Variants in TMEM74 observed in about 807,000 individuals in gnomAD.
TMEM74 encodes transmembrane protein 74.
TMEM74 carries 13 observed loss-of-function variants against 18.1 expected under a neutral mutation model. That is an observed-to-expected ratio of 0.72 (90% CI 0.47 to 1.14). The LOEUF is 1.14. Ranked by LOEUF, TMEM74 falls within the 50% of genes most tolerant of loss-of-function variation. The probability of loss-of-function intolerance (pLI) is 0.00; values close to 1 mark genes in which losing one functional copy is unlikely to be tolerated. For synonymous variants in TMEM74, 159 were observed against 146.6 expected, an observed-to-expected ratio of 1.08 and a Z score of -0.61; for missense variants, 372 against 375.9, an observed-to-expected ratio of 0.99 and a Z score of 0.09.
chr8:108,766,689 G>A (rs193053802), intron 1 of TMEM74, among the ~76,000 whole-genome samples: 262 of 152,210 alleles, frequency 1.7e-3, no homozygotes, highest in Middle Eastern at 6.8e-3. Flanking sequence ...TCACACAATC[G>A]CAAGGTAAAG....
intron 2 of TMEM74, among the ~76,000 whole-genome samples, chr8:108,636,462 C>T (rs1009287051): frequency 6.6e-6 from 1 of 152,056 alleles, no homozygotes; most frequent in Non-Finnish European, 1.5e-5. Context: ...GAGCATTATA[C>T]TCTGTATTTG....
intron 1 of TMEM74, among the ~76,000 whole-genome samples, chr8:108,746,474 G>T (rs1201253323): frequency 1.3e-5 from 2 of 152,098 alleles, no homozygotes; most frequent in African/African-American, 4.8e-5. Flanking sequence ...TAGAGATTAA[G>T]TACTAGTACC....
chr8:108,728,115 T>A (rs1813659357), intron 1 of TMEM74, among the ~76,000 whole-genome samples: 1 of 152,130 alleles, frequency 6.6e-6, no homozygotes, highest in Non-Finnish European at 1.5e-5. Context: ...TAATTGGAAA[T>A]AATTAGTATA....
At chr8:108,778,364 G>C (rs185584414), downstream of TMEM74, among the ~76,000 whole-genome samples, 945 of 152,242 alleles carry the variant, frequency 6.2e-3, 6 homozygotes, top group Middle Eastern at 0.017. Context: ...ATGTAAAAAG[G>C]TGGCTGCATC....
intron 2 of TMEM74, chr8:108,655,203 C>T (rs1812810044): frequency 6.6e-6 from 1 of 152,150 alleles, no homozygotes; most frequent in Non-Finnish European, 1.5e-5. Context: ...TTTCAGTCCA[C>T]CATTCTGCTA....
chr8:108,694,708 C>T (rs1813263463), intron 1 of TMEM74, among the ~76,000 whole-genome samples: 1 of 152,178 alleles, frequency 6.6e-6, no homozygotes, highest in Non-Finnish European at 1.5e-5. Context: ...TACCTATATG[C>T]ACATACATAT....
At chr8:108,681,684 G>C (rs776400023) in intron 1 of TMEM74, among the ~76,000 whole-genome samples, 3 of 152,176 alleles carry the variant, frequency 2.0e-5, no homozygotes, top group Non-Finnish European at 2.9e-5. Flanking sequence ...ATTATAGGAA[G>C]TGACTGCTTA....
At chr8:108,713,867 G>A (rs534182873) in intron 1 of TMEM74, among the ~76,000 whole-genome samples, 22 of 152,328 alleles carry the variant, frequency 1.4e-4, no homozygotes, top group African/African-American at 5.3e-4. Context: ...GGAAGCTGAT[G>A]GGGTAACAGT....
At chr8:108,774,862 G>T (rs767329085), downstream of TMEM74, among the ~76,000 whole-genome samples, 2 of 147,790 alleles carry the variant, frequency 1.4e-5, no homozygotes, top group East Asian at 2.1e-4. Context: ...GCCTCCCAAA[G>T]TGTTGTGATT....
At chr8:108,634,686 G>A (rs1201847438) in intron 2 of TMEM74, among the ~76,000 whole-genome samples, 1 of 151,986 alleles carries the variant, frequency 6.6e-6, no homozygotes, top group Admixed American at 6.6e-5. Flanking sequence ...TAGGCATGTG[G>A]GGAAAGAGTT....
intron 1 of TMEM74, among the ~76,000 whole-genome samples, chr8:108,658,778 C>T (rs1340333047): frequency 2.6e-5 from 4 of 152,070 alleles, no homozygotes; most frequent in Non-Finnish European, 5.9e-5. Context: ...ATTATGATTA[C>T]TACCTAATAA....
chr8:108,770,289 A>C lies in TMEM74; in HGVS notation n.119+17187T>G, dbSNP rs971931693. 6.6e-5 allele frequency among the ~76,000 whole-genome samples: 10 copies of C among 152,288 alleles called. No individual in the cohort carries two copies. In the East Asian group the frequency reaches 1.9e-3, roughly 29 times the overall value. ...AACTGGTATGGTTTAGTACAGTGAGAAAAAATAGCAATTATTATACTAAAT... is the reference window on the plus strand; with the variant it reads ...AACTGGTATGGTTTAGTACAGTGAGCAAAAATAGCAATTATTATACTAAAT... On this transcript the variant is annotated intron_variant and non_coding_transcript_variant, in intron 1 of 3. Transcript: ENST00000518838.
At chr8:108,731,226 C>A (rs189568764) in intron 1 of TMEM74, among the ~76,000 whole-genome samples, 36 of 151,756 alleles carry the variant, frequency 2.4e-4, no homozygotes, top group Middle Eastern at 3.4e-3. Flanking sequence ...CCACCACCGC[C>A]CCCCATCCCC....
chr8:108,637,984 G>T (rs1812624125), intron 2 of TMEM74, among the ~76,000 whole-genome samples: 1 of 152,144 alleles, frequency 6.6e-6, no homozygotes, highest in Admixed American at 6.6e-5. Context: ...TAGGCTGATT[G>T]TGTGTTTCTA....
intron 2 of TMEM74, among the ~76,000 whole-genome samples, chr8:108,624,045 G>T (rs982818728): frequency 6.6e-6 from 1 of 152,048 alleles, no homozygotes; most frequent in African/African-American, 2.4e-5. Flanking sequence ...CCAGTGCCAG[G>T]ATATGCATAG....
rs2129671128 is a variant in TMEM74 at position 108,784,619 on chromosome 8, C to G, written c.480G>C (p.Glu160Asp). 6.2e-7 allele frequency: 1 copy of G among 1,614,152 alleles called. No homozygotes were observed. Among genetic ancestry groups the G allele is most frequent in the South Asian group, 1.1e-5 (1 of 91,084 alleles). Residue 160 changes from glutamate (E) to aspartate (D), a missense_variant, in exon 2 of 2, where the codon GAG (glutamate) becomes GAC (aspartate). By Grantham distance (45) the Glu-to-Asp change is conservative. Transcript: ENST00000297459. ...EAAISLISEEEDDTSSEATSS... is the reference protein window; with the variant it reads ...EAAISLISEEDDDTSSEATSS... ...ACGTGGCTTCTGAACTTGTATCATC[C>G]TCCTCTTCAGATATCAAAGATATGG...
chr8:108,688,071 T>C (rs901455310), intron 1 of TMEM74, among the ~76,000 whole-genome samples: 4 of 152,328 alleles, frequency 2.6e-5, no homozygotes, highest in Admixed American at 6.5e-5. Flanking sequence ...TTCATTAGTA[T>C]TGAGGTGAAT....
intron 1 of TMEM74, among the ~76,000 whole-genome samples, chr8:108,662,819 C>G (rs1812913607): frequency 6.6e-6 from 1 of 152,120 alleles, no homozygotes; most frequent in Admixed American, 6.6e-5. Flanking sequence ...CCTGGGAAGT[C>G]TTTCCAATCC....
At chr8:108,643,570 C>T (rs1812687103) in intron 2 of TMEM74, among the ~76,000 whole-genome samples, 1 of 152,152 alleles carries the variant, frequency 6.6e-6, no homozygotes, top group Middle Eastern at 3.4e-3. Flanking sequence ...TAAACATCTA[C>T]ACTCCATTTC....
Sources: allele counts gnomAD v4.1 joint callset (sites outside exome capture counted in the v4.1 genomes callset), GRCh38; gene constraint gnomAD v4.1.1; transcripts MANE v1.5; gene names NCBI Gene and HGNC (gene_info 2026-07-23, HGNC 2026-07-21).